UCHL5: variants seen among roughly 807,000 people sequenced by gnomAD.
UCHL5 encodes ubiquitin carboxyl-terminal hydrolase isozyme L5.
In UCHL5, 34 loss-of-function variants were observed where a neutral mutation model predicts 53.8. The observed-to-expected ratio is 0.63, with a 90% CI of 0.48 to 0.84. The LOEUF (loss-of-function observed/expected upper bound fraction) is 0.84. Among genes scored for constraint, UCHL5 ranks in the 40% least tolerant of loss-of-function variants. The pLI is 0.00. For synonymous variants in UCHL5, 111 were observed against 126.3 expected (o/e 0.88, Z 0.81); for missense variants, 290 against 385.6 (o/e 0.75, Z 2.08).
rs560697649 is a variant in UCHL5, at chr1:193,041,502, G to T, written c.246+8244C>A. On this transcript the variant is annotated intron_variant, in intron 3 of 10. Transcript: ENST00000367454. ...GCCACGTGTTATAATATGTGGCTTT[G>T]TAACAACTCCTACACATTGCTAGTG... Among the ~76,000 whole-genome samples, 183 of 152,276 alleles carry T rather than the reference G, an allele frequency of 1.2e-3. 1 individual carries two copies. The highest frequency in any genetic ancestry group is 4.3e-3 in the African/African-American group (178 of 41,554).
At chr1:193,041,349 T>C (rs1369553978) in intron 3 of UCHL5, among the ~76,000 whole-genome samples, 1 of 151,976 alleles carries the variant, frequency 6.6e-6, no homozygotes, top group Non-Finnish European at 1.5e-5. Flanking sequence ...ACAGAGGAAA[T>C]ACATATGGCC....
Position 193,029,424 on chromosome 1 carries a change from G to C in UCHL5, c.398C>G (p.Ser133Ter). 1 of 1,613,694 alleles carries C rather than the reference G, an allele frequency of 6.2e-7. No individual in the cohort carries two copies. ...GTTGTGTACTTGTCGAATCACATCT[G>C]AATTGCTCAGTGCCAAGCCTTTCAT... ...AAMKGLALSN[S>*]DVIRQVHNSF... The change falls in exon 5 of 11, where the codon TCA (serine) becomes TGA (stop). Residue 133 changes from serine to a stop codon, truncating the protein, a stop_gained. Transcript: ENST00000367454. LOFTEE classifies it high-confidence loss of function.
upstream of UCHL5, chr1:193,059,686 C>T (rs763637741): frequency 4.4e-6 from 6 of 1,361,562 alleles, no homozygotes; most frequent in Admixed American, 2.0e-5. The surrounding 1 kb of genome is among the most constrained non-coding windows in gnomAD (Gnocchi z 4.9). Flanking sequence ...TGTCGCTGCC[C>T]GTCAGGCTGC....
chr1:193,059,514 G>A (rs1672138295), upstream of UCHL5: 1 of 1,586,440 alleles, frequency 6.3e-7, no homozygotes, highest in East Asian at 2.3e-5. This position sits in a 1 kb window ranked among gnomAD's most constrained non-coding sequence, Gnocchi z 4.9. Context: ...AAGGGCTGGG[G>A]CCTGAGAAGA....
At chr1:193,050,965 C>T (rs2102853572) in intron 2 of UCHL5, among the ~76,000 whole-genome samples, 1 of 152,244 alleles carries the variant, frequency 6.6e-6, no homozygotes, top group South Asian at 2.1e-4. Context: ...TTTAATTAAC[C>T]TTCCCTGATC....
chr1:193,029,338 CAAA>C, intron 5 of UCHL5, 29 bp from the exon 6 acceptor site: 1 of 1,612,860 alleles, frequency 6.2e-7, no homozygotes. Context: ...TAGTGAAACT[CAAA>C]GAAGCAAAGA....
At chr1:193,055,411 G>A (rs1412816474) in intron 1 of UCHL5, among the ~76,000 whole-genome samples, 1 of 152,142 alleles carries the variant, frequency 6.6e-6, no homozygotes, top group Non-Finnish European at 1.5e-5. Flanking sequence ...ATCCACCAGA[G>A]CCCACCTCCA....
chr1:193,029,320 T>A lies in UCHL5; in HGVS notation c.435-11A>T, dbSNP rs1660499038. On this transcript the variant is annotated splice_polypyrimidine_tract_variant and intron_variant, in intron 5 of 10. Coordinates refer to ENST00000367454, the MANE Select transcript of UCHL5 (RefSeq NM_001199261.3). ...TCAAACATTTGCTGTCTACAGTAAA[T>A]AAAAAAATAGTGAAACTCAAAGAAG... 6.2e-7 allele frequency: 1 copy of A among 1,612,778 alleles called. No homozygotes were observed. Among genetic ancestry groups the A allele is most frequent in the South Asian group, 1.1e-5 (1 of 90,830 alleles).
At chr1:193,016,896 T>G (rs1655066845) in intron 10 of UCHL5, among the ~76,000 whole-genome samples, 1 of 151,710 alleles carries the variant, frequency 6.6e-6, no homozygotes, top group Non-Finnish European at 1.5e-5. Flanking sequence ...AAAAAAAATG[T>G]TTTTACATAC....
chr1:193,033,941 C>A (rs1662450427), intron 3 of UCHL5, among the ~76,000 whole-genome samples: 1 of 152,140 alleles, frequency 6.6e-6, no homozygotes, highest in African/African-American at 2.4e-5. Flanking sequence ...GTTCAAGAGA[C>A]AATGAGCATA....
intron 3 of UCHL5, among the ~76,000 whole-genome samples, chr1:193,039,037 C>A (rs1571740275): frequency 6.6e-6 from 1 of 152,218 alleles, no homozygotes; most frequent in East Asian, 1.9e-4. Context: ...AAATCAGCTG[C>A]TATTATATAT....
chr1:193,024,843 C>T (rs1337212763), intron 7 of UCHL5, among the ~76,000 whole-genome samples: 1 of 152,004 alleles, frequency 6.6e-6, no homozygotes, highest in Non-Finnish European at 1.5e-5. Flanking sequence ...TCACTGAAAA[C>T]AAATGGCCCC....
upstream of UCHL5, chr1:193,059,372 G>T (rs550735071): frequency 4.4e-6 from 7 of 1,606,636 alleles, no homozygotes; most frequent in African/African-American, 1.3e-5. This position sits in a 1 kb window ranked among gnomAD's most constrained non-coding sequence, Gnocchi z 4.9. Flanking sequence ...TCAACCACAC[G>T]TCACCCCGCC....
intron 3 of UCHL5, among the ~76,000 whole-genome samples, chr1:193,032,656 C>T (rs1661882865): frequency 6.6e-6 from 1 of 152,266 alleles, no homozygotes; most frequent in South Asian, 2.1e-4. Flanking sequence ...ACAGAATATA[C>T]AAGGAACTTA....
At chr1:193,027,686 AAAAATAAAAAAAAG>A (rs1202138575) in intron 7 of UCHL5, among the ~76,000 whole-genome samples, 1 of 152,240 alleles carries the variant, frequency 6.6e-6, no homozygotes, top group Non-Finnish European at 1.5e-5. Context: ...CTCTGTCTCA[AAAAATAAAAAAAAG>A]AAAATAAAAA....
chr1:193,020,495 C>A, intron 10 of UCHL5: 1 of 1,461,584 alleles, frequency 6.8e-7, no homozygotes, highest in East Asian at 2.6e-5. Context: ...TAAAGAGTAT[C>A]CACTGATGTT....
intron 3 of UCHL5, among the ~76,000 whole-genome samples, chr1:193,041,750 C>T (rs2102685160): frequency 6.6e-6 from 1 of 152,232 alleles, no homozygotes; most frequent in South Asian, 2.1e-4. Context: ...CATGTTAGTG[C>T]AGCTGGTATC....
In UCHL5 at chr1:193,032,807, C is replaced by A. The variant is rs893797338; in HGVS notation, c.247-3150G>T. Reference sequence around the variant, plus strand: ...ATCATCACTGGTCATTAGTGAAATGCAAATCAAAACCACAACAAGATACCA... The same window carrying A: ...ATCATCACTGGTCATTAGTGAAATGAAAATCAAAACCACAACAAGATACCA... On this transcript the variant is annotated intron_variant, in intron 3 of 10. Coordinates refer to ENST00000367454, the MANE Select transcript of UCHL5 (RefSeq NM_001199261.3). 8.7e-4 allele frequency among the ~76,000 whole-genome samples: 133 copies of A among 152,148 alleles called. 12 individuals carry two copies. The highest frequency in any genetic ancestry group is 4.4e-5 in the Non-Finnish European group (3 of 68,028).
At chr1:193,016,702 T>C (rs938532356) in intron 10 of UCHL5, among the ~76,000 whole-genome samples, 3 of 151,824 alleles carry the variant, frequency 2.0e-5, no homozygotes, top group Admixed American at 2.0e-4. Context: ...TTCATGAGTA[T>C]TCCAAAACAA....
Sources: gnomAD v4.1 joint callset for allele counts (sites outside exome capture counted in the v4.1 genomes callset) on GRCh38, gnomAD v4.1.1 for gene constraint, Gnocchi (gnomAD v3.1) non-coding constraint, MANE v1.5 for transcripts, NCBI Gene and HGNC (gene_info 2026-07-23, HGNC 2026-07-21) for gene names.